The following MAPT variants were observed in gnomAD, a reference collection of about 807,000 sequenced individuals.
MAPT encodes the protein microtubule associated protein tau, also known as microtubule-associated protein tau.
A neutral mutation model predicts 67.9 loss-of-function variants in MAPT; 34 were observed. The observed-to-expected ratio is 0.50, with a 90% CI of 0.38 to 0.67. The LOEUF is 0.67. MAPT is among the 30% of genes least tolerant of loss of function. The pLI is 0.00. For missense variants in MAPT, 881 were observed against 1,115.2 expected (o/e 0.79, Z 2.99); for synonymous variants, 456 against 464.5 (o/e 0.98, Z 0.23).
chr17:45,904,479 G>A (rs1212222983), intron 1 of MAPT, among the ~76,000 whole-genome samples: 1 of 142,022 alleles, frequency 7.0e-6, no homozygotes, highest in Non-Finnish European at 1.5e-5. Context: ...CTTGAAGCCA[G>A]GAGTCTGAGA....
At chr17:46,005,071 ACCGTGC>A (rs758086938) in intron 9 of MAPT, among the ~76,000 whole-genome samples, 7 of 152,266 alleles carry the variant, frequency 4.6e-5, no homozygotes, top group Admixed American at 1.3e-4. Flanking sequence ...GGCGTGAGCC[ACCGTGC>A]CCGGCCAGAA....
At chr17:45,911,823 G>T (rs1677769965) in intron 1 of MAPT, among the ~76,000 whole-genome samples, 1 of 152,132 alleles carries the variant, frequency 6.6e-6, no homozygotes, top group Admixed American at 6.5e-5. Context: ...GAACAGAAAG[G>T]GGAACAGATA....
At chr17:45,956,551 TA>T (rs2069682756) in intron 1 of MAPT, among the ~76,000 whole-genome samples, 1 of 184 alleles carries the variant, frequency 5.4e-3, no homozygotes, top group East Asian at 0.12. Flanking sequence ...GGTTCTTTTA[TA>T]TATATATATA....
chr17:46,004,586 C>A (rs1327324001), intron 9 of MAPT, among the ~76,000 whole-genome samples: 1 of 152,194 alleles, frequency 6.6e-6, no homozygotes, highest in Non-Finnish European at 1.5e-5. Context: ...ATAATGACAA[C>A]CATTCCTCTT....
intron 1 of MAPT, among the ~76,000 whole-genome samples, chr17:45,952,744 T>G (rs1327424980): frequency 6.6e-6 from 1 of 152,134 alleles, no homozygotes; most frequent in African/African-American, 2.4e-5. Context: ...ACCAAATGGT[T>G]TGGGCGGCAA....
In MAPT at chr17:46,024,144, T is replaced by C. The variant is rs780691298; in HGVS notation, c.2475T>C (p.Ser825=). Residue 825 remains serine (S), a synonymous_variant, in exon 13 of 13, where the codon TCT becomes TCC. Transcript: ENST00000262410. ...PQLATLADEV[S]ASLAKQGL Reference sequence around the variant, plus strand: ...TCGCCACGCTAGCTGACGAGGTGTCTGCCTCCCTGGCCAAGCAGGGTTTGT... The same window carrying C: ...TCGCCACGCTAGCTGACGAGGTGTCCGCCTCCCTGGCCAAGCAGGGTTTGT... 6.2e-7 allele frequency: 1 copy of C among 1,614,082 alleles called. No individual in the cohort carries two copies. Among genetic ancestry groups the C allele is most frequent in the Non-Finnish European group, 8.5e-7 (1 of 1,180,004 alleles).
chr17:45,941,613 TCCCCCCTTCCC>T (rs2067879340), intron 1 of MAPT, among the ~76,000 whole-genome samples: 3 of 105,358 alleles, frequency 2.8e-5, no homozygotes, highest in South Asian at 4.2e-4. Context: ...CTTCCCTCCC[TCCCCCCTTCCC>T]TCCTTCCCTC....
In MAPT at chr17:45,907,320, C is replaced by A. The variant is rs142955676; in HGVS notation, c.-18+12634C>A. On this transcript the variant is annotated intron_variant, in intron 1 of 12. Transcript: ENST00000262410. ...CAGTGTCCATCTTCCCCGAAGCTTT[C>A]CCCAGCCTTGGCACTCAAGGTCCAG... Among the ~76,000 whole-genome samples, 17 of 152,320 alleles carry A rather than the reference C, an allele frequency of 1.1e-4. No homozygotes were observed. In the East Asian group the frequency reaches 3.3e-3, roughly 29 times the overall value.
intron 1 of MAPT, among the ~76,000 whole-genome samples, chr17:45,936,768 C>A (rs901414578): frequency 4.6e-4 from 70 of 152,318 alleles, no homozygotes; most frequent in African/African-American, 1.7e-3. Context: ...GGCCTTCCCC[C>A]AAGGGCGTCA....
chr17:46,024,447 C>T lies in MAPT; in HGVS notation c.*276C>T. ...CATTCAAAAACATGGCCACATCCAA[C>T]ATTTCCTCAGGCAATTCCTTTTGAT... On this transcript the variant is annotated 3_prime_UTR_variant, in exon 13 of 13. Transcript: ENST00000262410. 2 of 547,358 alleles carry T rather than the reference C, an allele frequency of 3.7e-6. No individual in the cohort carries two copies. Among genetic ancestry groups the T allele is most frequent in the South Asian group, 2.1e-5 (1 of 47,558 alleles). The allele number at this position is 547,358 out of a possible 1,614,324, so 33.9% of individuals were successfully genotyped here.
intron 9 of MAPT, among the ~76,000 whole-genome samples, chr17:45,997,728 C>G (rs1051623174): frequency 6.6e-6 from 1 of 152,164 alleles, no homozygotes; most frequent in African/African-American, 2.4e-5. Flanking sequence ...CCACTGCACT[C>G]CAGTTTGAGC....
chr17:45,970,726 TG>T (rs1479354439), intron 2 of MAPT, among the ~76,000 whole-genome samples: 5 of 152,196 alleles, frequency 3.3e-5, no homozygotes, highest in Non-Finnish European at 7.4e-5. Flanking sequence ...CAGAAAGAAG[TG>T]GAACTGGGAC....
chr17:45,910,073 A>G (rs772824462), intron 1 of MAPT, among the ~76,000 whole-genome samples: 1 of 152,002 alleles, frequency 6.6e-6, no homozygotes, highest in African/African-American at 2.4e-5. Context: ...AGTCACTTTA[A>G]TATTGTTATT....
chr17:45,964,359 C>A (rs547466021), intron 2 of MAPT, among the ~76,000 whole-genome samples: 1 of 106,912 alleles, frequency 9.4e-6, no homozygotes, highest in East Asian at 3.2e-4. Flanking sequence ...CCTCCCCCCT[C>A]CCCCCACCCC....
chr17:45,900,162 C>T (rs940852843), intron 1 of MAPT, among the ~76,000 whole-genome samples: 1 of 152,180 alleles, frequency 6.6e-6, no homozygotes, highest in Non-Finnish European at 1.5e-5. Flanking sequence ...GCCTGGGAGG[C>T]TTTTCTCACT....
At chr17:45,945,230 G>A (rs986578754) in intron 1 of MAPT, among the ~76,000 whole-genome samples, 26 of 152,126 alleles carry the variant, frequency 1.7e-4, no homozygotes, top group African/African-American at 5.8e-4. Context: ...TGTAAAACGG[G>A]GATAATAAGA....
At chr17:45,933,840 A>AT (rs35907411) in intron 1 of MAPT, among the ~76,000 whole-genome samples, 73,318 of 137,704 alleles carry the variant, frequency 0.53, 19,825 homozygotes, top group East Asian at 0.82. Context: ...ATGTTTTCTG[A>AT]TTTTTTTTTT....
rs2076722891 is a variant in MAPT at position 46,024,504 on chromosome 17, GAGA to G, written c.*336_*338del. The G allele has an allele frequency of 2.7e-5, 11 of 413,966 alleles. No homozygotes were observed. Among genetic ancestry groups the G allele is most frequent in the Middle Eastern group, 7.4e-4 (1 of 1,358 alleles). 25.6% of individuals were successfully genotyped at this position (413,966 alleles called of 1,614,324 possible). A position where few individuals can be genotyped will look rare whatever the true frequency, so the allele number is the denominator to read the frequency against. Reference sequence around the variant, plus strand: ...TTCTTCCCCCTCCATGTAGAAGAGGGAGAAGGAGAGGCTCTGAAAGCTGCTTCT... The same window carrying G: ...TTCTTCCCCCTCCATGTAGAAGAGGGAGGAGAGGCTCTGAAAGCTGCTTCT... On this transcript the variant is annotated 3_prime_UTR_variant, in exon 13 of 13. Coordinates refer to ENST00000262410, the MANE Select transcript of MAPT (RefSeq NM_001377265.1).
At chr17:45,993,172 C>T (rs1415142633) in intron 8 of MAPT, among the ~76,000 whole-genome samples, 1 of 152,250 alleles carries the variant, frequency 6.6e-6, no homozygotes, top group African/African-American at 2.4e-5. Context: ...TGCCCACCAC[C>T]TGCTGCGTGT....
Sources: allele counts gnomAD v4.1 joint callset (sites outside exome capture counted in the v4.1 genomes callset), GRCh38; gene constraint gnomAD v4.1.1; transcripts MANE v1.5; gene names NCBI Gene and HGNC (gene_info 2026-07-23, HGNC 2026-07-21).